The following SCARA5 variants were observed in gnomAD, a reference collection of about 807,000 sequenced individuals.
The protein encoded by SCARA5 is scavenger receptor class A, member 5 (putative).
SCARA5 carries 45 observed loss-of-function variants against 46.3 expected under a neutral mutation model. The ratio of observed to expected loss-of-function variants is 0.97; its 90% CI spans 0.76 to 1.24. SCARA5 has a LOEUF of 1.24. SCARA5 is among the 50% of genes most tolerant of loss of function. The pLI, the probability that SCARA5 is intolerant of heterozygous loss-of-function variation, is 0.00. For synonymous variants in SCARA5, 333 were observed against 306.5 expected, an observed-to-expected ratio of 1.09 and a Z score of -0.90; for missense variants, 680 against 689.0, an observed-to-expected ratio of 0.99 and a Z score of 0.15.
intron 7 of SCARA5, among the ~76,000 whole-genome samples, chr8:27,901,852 C>T (rs1391317296): frequency 6.6e-6 from 1 of 152,218 alleles, no homozygotes; most frequent in Non-Finnish European, 1.5e-5. Flanking sequence ...GCCCCCATCC[C>T]AGGGTCAGGA....
chr8:27,981,084 G>A (rs1180583173), intron 2 of SCARA5, among the ~76,000 whole-genome samples: 1 of 152,166 alleles, frequency 6.6e-6, no homozygotes, highest in Non-Finnish European at 1.5e-5. Context: ...GGATCGAGGG[G>A]CTACTGTGTG....
At chr8:27,960,844 AAATAG>A (rs1337475603) in intron 3 of SCARA5, among the ~76,000 whole-genome samples, 2 of 152,212 alleles carry the variant, frequency 1.3e-5, no homozygotes, top group East Asian at 1.9e-4. Flanking sequence ...AAAAAAACAT[AAATAG>A]AATAGAGTAG....
intron 1 of SCARA5, among the ~76,000 whole-genome samples, chr8:27,989,995 G>C (rs966669417): frequency 5.9e-5 from 9 of 152,256 alleles, no homozygotes; most frequent in African/African-American, 2.2e-4. Context: ...AATAGCCTCT[G>C]CTTCCCAGAG....
At chr8:27,948,922 G>T (rs1415820393) in intron 3 of SCARA5, among the ~76,000 whole-genome samples, 1 of 152,278 alleles carries the variant, frequency 6.6e-6, no homozygotes, top group Non-Finnish European at 1.5e-5. Context: ...GATGTGCATA[G>T]TTTATATTGC....
At chr8:27,957,511 A>C (rs1163838285) in intron 3 of SCARA5, among the ~76,000 whole-genome samples, 1 of 152,236 alleles carries the variant, frequency 6.6e-6, no homozygotes, top group Non-Finnish European at 1.5e-5. Flanking sequence ...GCCTGAGGTC[A>C]CATAGCAATT....
intron 3 of SCARA5, among the ~76,000 whole-genome samples, chr8:27,935,354 A>T (rs946154595): frequency 1.3e-5 from 2 of 152,094 alleles, no homozygotes; most frequent in Non-Finnish European, 2.9e-5. Flanking sequence ...CTTAGTGGAG[A>T]TGGAGAAATG....
In SCARA5 at chr8:27,871,834, G is replaced by A. The variant is rs1014079811; in HGVS notation, c.*100C>T. 1.5e-5 allele frequency: 23 copies of A among 1,581,176 alleles called. No individual in the cohort carries two copies. Among genetic ancestry groups the A allele is most frequent in the Admixed American group, 5.1e-5 (3 of 58,608 alleles). Reference sequence around the variant, plus strand: ...GAGGACTGAGAATGCTGGACGGGGTGTGGTCGAGGCATGGTCAGGGTGGCC... The same window carrying A: ...GAGGACTGAGAATGCTGGACGGGGTATGGTCGAGGCATGGTCAGGGTGGCC... On this transcript the variant is annotated 3_prime_UTR_variant, in exon 9 of 9. Transcript: ENST00000354914.
At chr8:27,921,441 G>T in intron 4 of SCARA5, 130 bp downstream of exon 4, 2 of 743,748 alleles carry the variant, frequency 2.7e-6, no homozygotes, top group Non-Finnish European at 4.2e-6. Flanking sequence ...AGAGTATGGG[G>T]CTGGGAATGG....
intron 3 of SCARA5, among the ~76,000 whole-genome samples, chr8:27,945,157 A>T (rs1282147795): frequency 6.6e-6 from 1 of 151,826 alleles, no homozygotes; most frequent in Non-Finnish European, 1.5e-5. Context: ...TGGGAATGAG[A>T]CTGTAAAAAA....
Position 27,922,175 on chromosome 8 carries a change from G to C in SCARA5, c.312C>G (p.Ser104Arg), listed in dbSNP as rs1807607993. 1 of 1,607,162 alleles carries C rather than the reference G, an allele frequency of 6.2e-7. No individual in the cohort carries two copies. The highest frequency in any genetic ancestry group is 1.3e-5 in the African/African-American group (1 of 74,490). The change falls in exon 4 of 9, where the codon AGC (serine) becomes AGG (arginine). Residue 104 changes from serine (S) to arginine (R), a missense_variant. Ser to Arg is a moderately radical substitution (Grantham distance 110). Transcript: ENST00000354914. ...LTRNVNRLNESFRDLQLRLLQ... is the reference protein window; with the variant it reads ...LTRNVNRLNERFRDLQLRLLQ... ...GCAGCCGCAGCTGCAAGTCCCGGAA[G>C]CTCTCATTCAGCCGGTTCACATTGC...
chr8:27,876,807 CAGGA>C (rs1198731543), intron 8 of SCARA5, among the ~76,000 whole-genome samples: 1 of 151,946 alleles, frequency 6.6e-6, no homozygotes, highest in Admixed American at 6.6e-5. Flanking sequence ...AGGAAACTGT[CAGGA>C]AGGAAGAGGG....
chr8:27,964,650 T>G (rs1808341389), intron 3 of SCARA5, among the ~76,000 whole-genome samples: 1 of 152,150 alleles, frequency 6.6e-6, no homozygotes, highest in Non-Finnish European at 1.5e-5. Context: ...CTCTGCCTTC[T>G]GGGGTCACAT....
Position 27,870,110 on chromosome 8 carries a change from C to T in SCARA5, c.*1824G>A, listed in dbSNP as rs915058121. 6.6e-6 allele frequency: 1 copy of T among 151,876 alleles called. No individual in the cohort carries two copies. Among genetic ancestry groups the T allele is most frequent in the African/African-American group, 2.4e-5 (1 of 41,328 alleles). The allele number at this position is 151,876 out of a possible 1,614,324, so 9.4% of individuals were successfully genotyped here. A position where few individuals can be genotyped will look rare whatever the true frequency, so the allele number is the denominator to read the frequency against. On this transcript the variant is annotated 3_prime_UTR_variant, in exon 9 of 9. Coordinates refer to ENST00000354914, the MANE Select transcript of SCARA5 (RefSeq NM_173833.6). Reference sequence around the variant, plus strand: ...ACTTATGTTGTCCCTAATGGAAAGACCAAGTAAGAGAGTTATGTGCGTCTT... The same window carrying T: ...ACTTATGTTGTCCCTAATGGAAAGATCAAGTAAGAGAGTTATGTGCGTCTT...
chr8:27,899,020 T>G (rs1456059223), intron 7 of SCARA5, among the ~76,000 whole-genome samples: 4 of 152,236 alleles, frequency 2.6e-5, no homozygotes, highest in African/African-American at 9.6e-5. Context: ...AGTTGTGTCC[T>G]TTATAATAAA....
chr8:27,918,589 A>G (rs937833862), intron 4 of SCARA5, among the ~76,000 whole-genome samples: 1 of 149,596 alleles, frequency 6.7e-6, no homozygotes, highest in Admixed American at 6.7e-5. Context: ...AGGAGAAGGA[A>G]GAAGAGGAGG....
chr8:27,916,843 C>T (rs751463378), intron 4 of SCARA5, among the ~76,000 whole-genome samples: 5 of 152,116 alleles, frequency 3.3e-5, no homozygotes, highest in Admixed American at 3.3e-4. Flanking sequence ...TGAGTGTTTG[C>T]ATCCCCCCCG....
intron 7 of SCARA5, among the ~76,000 whole-genome samples, chr8:27,896,681 C>A (rs950537801): frequency 2.0e-5 from 3 of 152,096 alleles, no homozygotes; most frequent in African/African-American, 7.2e-5. Context: ...TCTGAGTCAG[C>A]GAGAAAGACA....
chr8:27,922,384 G>C (rs989942405), intron 3 of SCARA5, 139 bp from the exon 4 acceptor site: 5 of 590,248 alleles, frequency 8.5e-6, no homozygotes, highest in Non-Finnish European at 1.4e-5. Context: ...GTGGTGTGCT[G>C]AGCGCTTTAC....
In SCARA5 at chr8:27,871,392, C is replaced by G; in HGVS notation, c.*542G>C. On this transcript the variant is annotated 3_prime_UTR_variant, in exon 9 of 9. Transcript: ENST00000354914. ...CTTGCCCCTACAGCTGGCTTCTCCTCTATGTCACTTCCTCAAACTAGCAAA... is the reference window on the plus strand; with the variant it reads ...CTTGCCCCTACAGCTGGCTTCTCCTGTATGTCACTTCCTCAAACTAGCAAA... 1 of 984,566 alleles carries G rather than the reference C, an allele frequency of 1.0e-6. No individual in the cohort carries two copies. The highest frequency in any genetic ancestry group is 1.2e-6 in the Non-Finnish European group (1 of 828,530). 61.0% of individuals were successfully genotyped at this position (984,566 alleles called of 1,614,324 possible). A position where few individuals can be genotyped will look rare whatever the true frequency, so the allele number is the denominator to read the frequency against.
Sources: allele counts gnomAD v4.1 joint callset (sites outside exome capture counted in the v4.1 genomes callset), GRCh38; gene constraint gnomAD v4.1.1; transcripts MANE v1.5; gene names NCBI Gene and HGNC (gene_info 2026-07-23, HGNC 2026-07-21).